The following MTARC1 variants were observed in gnomAD, a reference collection of about 807,000 sequenced individuals.
MTARC1 encodes mitochondrial amidoxime-reducing component 1.
In MTARC1, 24 loss-of-function variants were observed where a neutral mutation model predicts 33.6. The observed-to-expected ratio is 0.72, with a 90% CI of 0.52 to 1.01. The LOEUF is 1.01. Ranked by LOEUF, MTARC1 falls within the 50% of genes least tolerant of loss-of-function variation. The pLI, the probability that MTARC1 is intolerant of heterozygous loss-of-function variation, is 0.00. For synonymous variants in MTARC1, 187 were observed against 189.5 expected, an observed-to-expected ratio of 0.99 and a Z score of 0.11; for missense variants, 417 against 445.7, an observed-to-expected ratio of 0.94 and a Z score of 0.58.
intron 4 of MTARC1, among the ~76,000 whole-genome samples, chr1:220,800,993 C>A (rs1427377901): frequency 2.0e-5 from 3 of 152,214 alleles, no homozygotes; most frequent in Non-Finnish European, 4.4e-5. Context: ...CCCAGCCCTG[C>A]ACCATCCATG....
intron 2 of MTARC1, among the ~76,000 whole-genome samples, chr1:220,792,451 A>G (rs762674144): frequency 1.3e-4 from 20 of 152,342 alleles, no homozygotes; most frequent in Non-Finnish European, 1.8e-4. Flanking sequence ...TTTATAGCCT[A>G]TCATAAAAAA....
At chr1:220,812,277 G>C (rs1165676505) in intron 6 of MTARC1, among the ~76,000 whole-genome samples, 2 of 152,224 alleles carry the variant, frequency 1.3e-5, no homozygotes, top group Non-Finnish European at 2.9e-5. Context: ...GGGCCAGGTA[G>C]AGCCCTACAT....
At position 220,786,923 on chromosome 1, in the gene MTARC1, C is replaced by T; in HGVS notation, c.-22C>T. The T allele has an allele frequency of 8.1e-7, 1 of 1,230,172 alleles. No homozygotes were observed. Among genetic ancestry groups the T allele is most frequent in the South Asian group, 4.0e-5 (1 of 25,282 alleles). 76.2% of individuals were successfully genotyped at this position (1,230,172 alleles called of 1,614,324 possible). The stretch of plus-strand genomic sequence containing the variant: ...CCAGCGCGCTCCGGCCTTGCCGCCG[C>T]CACCTCGCGGAGAAGCCAGCCATGG... On this transcript the variant is annotated 5_prime_UTR_variant, in exon 1 of 7. Coordinates refer to ENST00000366910, the MANE Select transcript of MTARC1 (RefSeq NM_022746.4).
chr1:220,805,140 G>A (rs554511182), intron 5 of MTARC1, 27 bp downstream of exon 5: 22 of 1,614,002 alleles, frequency 1.4e-5, no homozygotes, highest in Non-Finnish European at 1.8e-5. Context: ...TCCCTGTGGG[G>A]TGGAGGTGGG....
rs530027065 is a variant in MTARC1 at position 220,813,491 on chromosome 1, G to A, written c.*73G>A. 11 of 1,580,954 alleles carry A rather than the reference G, an allele frequency of 7.0e-6. No homozygotes were observed. The South Asian group carries it at 1.2e-4, about 18-fold the overall frequency. On this transcript the variant is annotated 3_prime_UTR_variant, in exon 7 of 7. Transcript: ENST00000366910. ...CAAAAATGACAACACTTGAAGCATG[G>A]TGTTTCAGAACTGAGACCTCTACAT...
intron 6 of MTARC1, among the ~76,000 whole-genome samples, chr1:220,805,673 G>A (rs1452782902): frequency 2.6e-5 from 4 of 152,168 alleles, no homozygotes; most frequent in Non-Finnish European, 5.9e-5. Context: ...GGAGTGAAGT[G>A]ATGTGACATC....
chr1:220,791,355 A>G, intron 1 of MTARC1, 136 bp from the exon 2 acceptor site: 4 of 886,102 alleles, frequency 4.5e-6, no homozygotes, highest in South Asian at 3.5e-5. Context: ...ACAGACAGAC[A>G]CACACACTCA....
At chr1:220,812,532 G>A (rs1431643299) in intron 6 of MTARC1, among the ~76,000 whole-genome samples, 2 of 152,228 alleles carry the variant, frequency 1.3e-5, no homozygotes, top group Non-Finnish European at 2.9e-5. Flanking sequence ...GTCAAATGAT[G>A]TTGTACAGGA....
chr1:220,810,806 ATCCTGGGTGGGAAGAG>A (rs1433524605), intron 6 of MTARC1, among the ~76,000 whole-genome samples: 2 of 152,170 alleles, frequency 1.3e-5, no homozygotes, highest in Non-Finnish European at 2.9e-5. Context: ...CCAGGGTTAC[ATCCTGGGTGGGAAGAG>A]TCCACTAGAC....
chr1:220,809,512 A>AATTTAATTTT lies in MTARC1; in HGVS notation c.888-3775_888-3774insATTTTATTTA, dbSNP rs577091527. ...TCTTCAATTTAATTTAATTTAATTT[A>AATTTAATTTT]ATTTATTTATTTATTGAGACAGAGT... On this transcript the variant is annotated intron_variant, in intron 6 of 6. Coordinates refer to ENST00000366910, the MANE Select transcript of MTARC1 (RefSeq NM_022746.4). 5.8e-3 allele frequency among the ~76,000 whole-genome samples: 881 copies of AATTTAATTTT among 151,560 alleles called. 4 individuals carry two copies. Among genetic ancestry groups the AATTTAATTTT allele is most frequent in the African/African-American group, 0.02 (835 of 41,070 alleles).
At chr1:220,791,786 C>G in intron 2 of MTARC1, 122 bp downstream of exon 2, 1 of 1,055,862 alleles carries the variant, frequency 9.5e-7, no homozygotes, top group South Asian at 1.8e-5. Context: ...TGCATGTGTA[C>G]CATATACAGA....
rs1224591144 is a variant in MTARC1 at position 220,816,095 on chromosome 1, C to T, written c.*2677C>T. 6 of 152,254 alleles carry T rather than the reference C, an allele frequency of 3.9e-5. No homozygotes were observed. The highest frequency in any genetic ancestry group is 7.3e-5 in the Non-Finnish European group (5 of 68,062). 9.4% of individuals were successfully genotyped at this position (152,254 alleles called of 1,614,324 possible). A position where few individuals can be genotyped will look rare whatever the true frequency, so the allele number is the denominator to read the frequency against. On this transcript the variant is annotated 3_prime_UTR_variant, in exon 7 of 7. Coordinates refer to ENST00000366910, the MANE Select transcript of MTARC1 (RefSeq NM_022746.4). ...CTATAGGGAGAAATACTCCTCCTCT[C>T]CTTCTCCCTTTACTGATAACGGGGC...
At chr1:220,813,191 G>T in intron 6 of MTARC1, 101 bp from the exon 7 acceptor site, 3 of 1,512,936 alleles carry the variant, frequency 2.0e-6, no homozygotes, top group East Asian at 4.5e-5. Context: ...GTGCCCTCTC[G>T]AGCTGTGCGT....
Position 220,797,970 on chromosome 1 carries a change from T to G in MTARC1, c.709T>G (p.Phe237Val), listed in dbSNP as rs982100609. 5 of 1,614,134 alleles carry G rather than the reference T, an allele frequency of 3.1e-6. No homozygotes were observed. In the African/African-American group the frequency reaches 6.7e-5, roughly 22 times the overall value. Residue 237 changes from phenylalanine to valine, a missense_variant, in exon 4 of 7, where the codon TTC (phenylalanine) becomes GTC (valine). By Grantham distance (50) the Phe-to-Val change is conservative. Coordinates refer to ENST00000366910, the MANE Select transcript of MTARC1 (RefSeq NM_022746.4). ...AGAGAAGAAAGTTAAAGCAACCAAC[T>G]TCAGGCCCAATATTGTAATTTCAGG... ...RLEKKVKATN[F>V]RPNIVISGCD...
At chr1:220,811,494 G>A (rs1296750196) in intron 6 of MTARC1, among the ~76,000 whole-genome samples, 1 of 152,214 alleles carries the variant, frequency 6.6e-6, no homozygotes, top group African/African-American at 2.4e-5. Context: ...TCTCCAGAAG[G>A]TGGTTCTAGA....
At chr1:220,801,760 G>A (rs996978451) in intron 4 of MTARC1, among the ~76,000 whole-genome samples, 2 of 152,104 alleles carry the variant, frequency 1.3e-5, no homozygotes, top group African/African-American at 4.8e-5. Flanking sequence ...AAGGATTAGC[G>A]CAGGCGGGGC....
In MTARC1 at chr1:220,818,175, T is replaced by A. The variant is rs1673319467; in HGVS notation, c.*4757T>A. 1 of 152,210 alleles carries A rather than the reference T, an allele frequency of 6.6e-6. No homozygotes were observed. The highest frequency in any genetic ancestry group is 1.5e-5 in the Non-Finnish European group (1 of 68,042). The allele number at this position is 152,210 out of a possible 1,614,324, so 9.4% of individuals were successfully genotyped here. A position where few individuals can be genotyped will look rare whatever the true frequency, so the allele number is the denominator to read the frequency against. ...AGTAAAAAAGTCCCTGAGGCATCCC[T>A]TGGTCTGCTCTGACCACACTCTCTT... On this transcript the variant is annotated 3_prime_UTR_variant, in exon 7 of 7. Coordinates refer to ENST00000366910, the MANE Select transcript of MTARC1 (RefSeq NM_022746.4).
At chr1:220,792,934 T>A (rs1038205674) in intron 2 of MTARC1, among the ~76,000 whole-genome samples, 6 of 152,296 alleles carry the variant, frequency 3.9e-5, no homozygotes, top group African/African-American at 1.4e-4. Flanking sequence ...TTGTCTTAAT[T>A]TTTTTCCAGG....
intron 4 of MTARC1, among the ~76,000 whole-genome samples, chr1:220,799,387 C>T (rs1167472087): frequency 6.6e-6 from 1 of 152,120 alleles, no homozygotes; most frequent in African/African-American, 2.4e-5. Flanking sequence ...CATGGGCCAG[C>T]CTGACTTAGA....
Sources: allele counts gnomAD v4.1 joint callset (sites outside exome capture counted in the v4.1 genomes callset), GRCh38; gene constraint gnomAD v4.1.1; transcripts MANE v1.5; gene names NCBI Gene and HGNC (gene_info 2026-07-23, HGNC 2026-07-21).